The following NTM variants were observed in gnomAD, a reference collection of about 807,000 sequenced individuals.
NTM encodes the protein neurotrimin.
Under a neutral mutation model 42.1 loss-of-function variants are expected in NTM, and 13 were observed. That is an observed-to-expected ratio of 0.31 (90% CI 0.20 to 0.49). The LOEUF (loss-of-function observed/expected upper bound fraction) is 0.49. NTM is among the 20% of genes least tolerant of loss of function. NTM has a pLI of 0.99. For synonymous variants in NTM, 187 were observed against 179.2 expected (o/e 1.04, Z -0.35); for missense variants, 373 against 452.8 (o/e 0.82, Z 1.60).
chr11:131,619,720 G>C (rs2062326459), intron 1 of NTM, among the ~76,000 whole-genome samples: 1 of 152,110 alleles, frequency 6.6e-6, no homozygotes, highest in Non-Finnish European at 1.5e-5. Flanking sequence ...ATTTTATGAA[G>C]AGCAGCAGAC....
intron 1 of NTM, among the ~76,000 whole-genome samples, chr11:131,757,198 A>G (rs1300405671): frequency 1.3e-5 from 2 of 152,208 alleles, no homozygotes; most frequent in African/African-American, 4.8e-5. Flanking sequence ...AGCTCCTTCC[A>G]GGTAGCTGCA....
At chr11:131,563,677 A>G (rs1011831234) in intron 1 of NTM, among the ~76,000 whole-genome samples, 32 of 150,766 alleles carry the variant, frequency 2.1e-4, no homozygotes, top group African/African-American at 7.8e-4. Flanking sequence ...ATTGATTTCA[A>G]ATAACTAGGC....
At chr11:131,861,463 C>T (rs1014442485) in intron 1 of NTM, among the ~76,000 whole-genome samples, 1 of 152,138 alleles carries the variant, frequency 6.6e-6, no homozygotes, top group Admixed American at 6.6e-5. Context: ...TCTGTTCATC[C>T]TTCTATGTCC....
intron 2 of NTM, among the ~76,000 whole-genome samples, chr11:132,127,698 G>A (rs532005993): frequency 2.6e-5 from 4 of 152,310 alleles, no homozygotes; most frequent in Admixed American, 1.3e-4. Flanking sequence ...GCATTCCGGC[G>A]GATTACAGTG....
chr11:132,290,705 C>T (rs913103105), intron 4 of NTM, among the ~76,000 whole-genome samples: 1 of 152,116 alleles, frequency 6.6e-6, no homozygotes, highest in Non-Finnish European at 1.5e-5. Context: ...AGATAAATAA[C>T]CCATCCATTT....
chr11:131,385,866 A>G lies in NTM; in HGVS notation c.82+14978A>G, dbSNP rs138251540. ...GAGCAAGACTCAGTGTCTAAACGAA[A>G]CAAAATAAAACAGAACAACATTAAA... On this transcript the variant is annotated intron_variant, in intron 1 of 8. Coordinates refer to ENST00000683400, the MANE Select transcript of NTM (RefSeq NM_001352005.2). Among the ~76,000 whole-genome samples the G allele has an allele frequency of 5.2e-4, 79 of 152,336 alleles. 1 individual carries two copies. In the East Asian group the frequency reaches 0.015, roughly 29 times the overall value.
intron 7 of NTM, among the ~76,000 whole-genome samples, chr11:132,318,099 T>C (rs2095476879): frequency 6.6e-6 from 1 of 152,140 alleles, no homozygotes; most frequent in East Asian, 1.9e-4. Context: ...TCAGATATTC[T>C]GTCAAACGCA....
intron 4 of NTM, among the ~76,000 whole-genome samples, chr11:132,293,152 G>C (rs1241007632): frequency 1.3e-5 from 2 of 151,978 alleles, no homozygotes; most frequent in Non-Finnish European, 2.9e-5. Flanking sequence ...TTATTGAATA[G>C]AAAAAAATAA....
intron 3 of NTM, among the ~76,000 whole-genome samples, chr11:132,177,672 C>A (rs1167386915): frequency 6.6e-6 from 1 of 152,190 alleles, no homozygotes; most frequent in Non-Finnish European, 1.5e-5. Flanking sequence ...TTCAGTGATT[C>A]CACACCTGAT....
chr11:131,390,777 T>C (rs1762192365), intron 1 of NTM, among the ~76,000 whole-genome samples: 2 of 152,102 alleles, frequency 1.3e-5, no homozygotes, highest in African/African-American at 4.8e-5. Context: ...ATATGAATTC[T>C]CAAGCCCCAC....
At chr11:131,549,359 C>T (rs1168111385) in intron 1 of NTM, among the ~76,000 whole-genome samples, 2 of 152,096 alleles carry the variant, frequency 1.3e-5, no homozygotes, top group South Asian at 2.1e-4. Context: ...ATAGAAGAAA[C>T]CCCAGGCACA....
intron 1 of NTM, among the ~76,000 whole-genome samples, chr11:131,691,104 G>A (rs1368108313): frequency 6.6e-6 from 1 of 152,158 alleles, no homozygotes; most frequent in Non-Finnish European, 1.5e-5. Flanking sequence ...CTCTGGAGCC[G>A]GGGAGCCCTG....
intron 1 of NTM, among the ~76,000 whole-genome samples, chr11:131,586,275 T>C (rs1260642293): frequency 6.6e-6 from 1 of 152,148 alleles, no homozygotes; most frequent in Non-Finnish European, 1.5e-5. Context: ...TCTTACTATG[T>C]AGCCTCATGT....
At chr11:132,107,339 C>CTATTTTTTTTTTTT (rs2062515420) in intron 2 of NTM, among the ~76,000 whole-genome samples, 1 of 88,858 alleles carries the variant, frequency 1.1e-5, no homozygotes, top group African/African-American at 5.0e-5. Context: ...AAGATTTATC[C>CTATTTTTTTTTTTT]TTTTTTTTTT....
At chr11:132,069,267 A>C (rs12277055) in intron 2 of NTM, among the ~76,000 whole-genome samples, 3 of 116,230 alleles carry the variant, frequency 2.6e-5, no homozygotes, top group African/African-American at 9.7e-5. Flanking sequence ...ACCATCACAG[A>C]TTAGTTAACA....
intron 1 of NTM, among the ~76,000 whole-genome samples, chr11:131,762,326 C>T (rs908349059): frequency 2.0e-5 from 3 of 152,176 alleles, no homozygotes; most frequent in Non-Finnish European, 4.4e-5. Flanking sequence ...GAGAAGGACC[C>T]TATTTTCACC....
intron 3 of NTM, among the ~76,000 whole-genome samples, chr11:132,194,556 C>G (rs977601480): frequency 6.6e-6 from 1 of 152,058 alleles, no homozygotes; most frequent in African/African-American, 2.4e-5. Context: ...AGAAATTCAA[C>G]AAGGCAATTA....
At chr11:132,042,999 T>A (rs1030418825) in intron 2 of NTM, among the ~76,000 whole-genome samples, 12 of 152,198 alleles carry the variant, frequency 7.9e-5, no homozygotes, top group African/African-American at 2.9e-4. Context: ...TATGCCTCTG[T>A]TACATAAGTG....
rs1328707725 is a variant in NTM, at chr11:132,336,812, G to C, written c.*1666G>C. 2.0e-5 allele frequency: 3 copies of C among 152,150 alleles called. No homozygotes were observed. Among genetic ancestry groups the C allele is most frequent in the Admixed American group, 6.6e-5 (1 of 15,260 alleles). The allele number at this position is 152,150 out of a possible 1,614,324, so 9.4% of individuals were successfully genotyped here. ...GACTTGACATTAAAAAGTGTTCCAT[G>C]TCCCTCTTCACCTGGTGTGGTACCT... On this transcript the variant is annotated 3_prime_UTR_variant, in exon 9 of 9. Transcript: ENST00000683400.
Sources: gnomAD v4.1 joint callset for allele counts (sites outside exome capture counted in the v4.1 genomes callset) on GRCh38, gnomAD v4.1.1 for gene constraint, MANE v1.5 for transcripts, NCBI Gene and HGNC (gene_info 2026-07-23, HGNC 2026-07-21) for gene names.